CLMP: variants seen among roughly 807,000 people sequenced by gnomAD.
CLMP encodes CXADR like cell adhesion molecule.
Under a neutral mutation model 45.2 loss-of-function variants are expected in CLMP, and 27 were observed. The observed-to-expected ratio is 0.60, with a 90% CI of 0.44 to 0.82. CLMP has a LOEUF of 0.82. CLMP is among the 40% of genes least tolerant of loss of function. The pLI, the probability that CLMP is intolerant of heterozygous loss-of-function variation, is 0.00. For synonymous variants in CLMP, 167 were observed against 171.4 expected (o/e 0.97, Z 0.20); for missense variants, 403 against 448.4 (o/e 0.90, Z 0.91).
At chr11:123,134,834 C>T (rs555878736) in intron 1 of CLMP, among the ~76,000 whole-genome samples, 170 of 152,072 alleles carry the variant, frequency 1.1e-3, no homozygotes, top group African/African-American at 3.8e-3. Context: ...CTCTCTAGCA[C>T]GTGAGCTTGT....
intron 1 of CLMP, among the ~76,000 whole-genome samples, chr11:123,166,034 G>C (rs1385182056): frequency 6.6e-6 from 1 of 152,150 alleles, no homozygotes; most frequent in Non-Finnish European, 1.5e-5. Context: ...CATAAGATCT[G>C]AATTCTCTAC....
intron 5 of CLMP, among the ~76,000 whole-genome samples, chr11:123,075,147 A>G (rs1591447211): frequency 6.6e-6 from 1 of 150,752 alleles, no homozygotes; most frequent in African/African-American, 2.4e-5. Context: ...TAGAAACGGT[A>G]TTCTCTATGT....
At chr11:123,164,584 G>A (rs969374606) in intron 1 of CLMP, among the ~76,000 whole-genome samples, 2 of 151,348 alleles carry the variant, frequency 1.3e-5, no homozygotes, top group Non-Finnish European at 2.9e-5. Flanking sequence ...AGTTAAAGAT[G>A]TGAGCCACCA....
chr11:123,143,629 G>A lies in CLMP; in HGVS notation c.29-45677C>T, dbSNP rs534895708. Among the ~76,000 whole-genome samples, 8 of 152,234 alleles carry A rather than the reference G, an allele frequency of 5.3e-5. No individual in the cohort carries two copies. The East Asian group carries it at 5.8e-4, about 11-fold the overall frequency. On this transcript the variant is annotated intron_variant, in intron 1 of 6. Transcript: ENST00000448775. ...AGAACTCAATACTGCTAACAATCAC[G>A]TGAGTGATGAGGGTGGAAGTACGTC...
chr11:123,129,582 ATT>A (rs553174458), intron 1 of CLMP, among the ~76,000 whole-genome samples: 2,093 of 141,048 alleles, frequency 0.015, 50 homozygotes, highest in African/African-American at 0.05. Context: ...TATAATATAT[ATT>A]GTAATTATAT....
intron 1 of CLMP, among the ~76,000 whole-genome samples, chr11:123,111,579 G>A (rs1426141115): frequency 3.3e-5 from 5 of 152,150 alleles, no homozygotes; most frequent in Non-Finnish European, 7.3e-5. Context: ...AATCCACAAG[G>A]GGGCAGAATT....
chr11:123,158,024 G>A (rs748996932), intron 1 of CLMP, among the ~76,000 whole-genome samples: 20 of 151,874 alleles, frequency 1.3e-4, no homozygotes, highest in African/African-American at 3.6e-4. Flanking sequence ...CCCCAGTTTC[G>A]CTCTCCCAGG....
intron 5 of CLMP, 125 bp downstream of exon 5, chr11:123,082,960 T>C (rs1865822901): frequency 8.5e-7 from 1 of 1,171,734 alleles, no homozygotes; most frequent in African/African-American, 1.5e-5. Flanking sequence ...GTGATAGCCA[T>C]ATCCTTCTGG....
Position 123,148,205 on chromosome 11 carries a change from A to G in CLMP, c.28+46708T>C, listed in dbSNP as rs1861266401. Among the ~76,000 whole-genome samples, 4 of 152,316 alleles carry G rather than the reference A, an allele frequency of 2.6e-5. No individual in the cohort carries two copies. In the South Asian group the frequency reaches 8.3e-4, roughly 32 times the overall value. ...TAAGTGCTACGTAAGTGTAGCTGTTATGTTTAGGGCCGCAGGGCTTTTAAG... is the reference window on the plus strand; with the variant it reads ...TAAGTGCTACGTAAGTGTAGCTGTTGTGTTTAGGGCCGCAGGGCTTTTAAG... On this transcript the variant is annotated intron_variant, in intron 1 of 6. Transcript: ENST00000448775.
At chr11:123,121,835 C>T (rs945613647) in intron 1 of CLMP, among the ~76,000 whole-genome samples, 2 of 152,154 alleles carry the variant, frequency 1.3e-5, no homozygotes, top group African/African-American at 2.4e-5. Context: ...TCTCTTTCAC[C>T]TTTATTTCCT....
At chr11:123,102,279 G>GT (rs1174991262) in intron 1 of CLMP, among the ~76,000 whole-genome samples, 6,483 of 120,884 alleles carry the variant, frequency 0.054, 452 homozygotes, top group East Asian at 0.18. Context: ...ATCTTTCCAG[G>GT]TTTTTTTTTT....
chr11:123,090,611 A>G (rs1865920532), intron 2 of CLMP, among the ~76,000 whole-genome samples: 2 of 152,114 alleles, frequency 1.3e-5, no homozygotes, highest in South Asian at 4.1e-4. Context: ...TTTTGTGGGA[A>G]TGAGATAGTA....
At chr11:123,109,323 A>G (rs1479918031) in intron 1 of CLMP, among the ~76,000 whole-genome samples, 4 of 152,212 alleles carry the variant, frequency 2.6e-5, no homozygotes, top group Non-Finnish European at 4.4e-5. Flanking sequence ...ATTCAACTGC[A>G]TGATCTCATG....
chr11:123,084,386 G>T, intron 3 of CLMP, 126 bp downstream of exon 3: 1 of 716,512 alleles, frequency 1.4e-6, no homozygotes. Context: ...ACTGGACGAG[G>T]TGACCTCTGA....
chr11:123,145,376 A>G (rs915597753), intron 1 of CLMP, among the ~76,000 whole-genome samples: 4 of 151,816 alleles, frequency 2.6e-5, no homozygotes, highest in African/African-American at 9.7e-5. Context: ...AAACTGAAGT[A>G]AGAGGACACT....
At chr11:123,093,097 G>A (rs973502177) in intron 2 of CLMP, among the ~76,000 whole-genome samples, 20 of 151,290 alleles carry the variant, frequency 1.3e-4, no homozygotes, top group African/African-American at 1.2e-4. Context: ...TAGTAGAGAC[G>A]GGGTTTCACC....
intron 1 of CLMP, among the ~76,000 whole-genome samples, chr11:123,164,374 G>A (rs1470445404): frequency 6.6e-6 from 1 of 152,114 alleles, no homozygotes; most frequent in Non-Finnish European, 1.5e-5. Context: ...CCCACTCTCA[G>A]CTCACTGCAA....
At chr11:123,117,681 C>A (rs994439350) in intron 1 of CLMP, among the ~76,000 whole-genome samples, 47 of 152,280 alleles carry the variant, frequency 3.1e-4, no homozygotes, top group African/African-American at 1.1e-3. Context: ...CTCGCCTTGG[C>A]CTCCCAAAGC....
At chr11:123,115,088 C>A (rs1486901474) in intron 1 of CLMP, among the ~76,000 whole-genome samples, 1 of 152,186 alleles carries the variant, frequency 6.6e-6, no homozygotes, top group African/African-American at 2.4e-5. Flanking sequence ...GTTGCCCAGG[C>A]TGAAGTGCAG....
Sources: allele counts gnomAD v4.1 joint callset (sites outside exome capture counted in the v4.1 genomes callset), GRCh38; gene constraint gnomAD v4.1.1; transcripts MANE v1.5; gene names NCBI Gene and HGNC (gene_info 2026-07-23, HGNC 2026-07-21).